The following CSMD1 variants were observed in gnomAD, a reference collection of about 807,000 sequenced individuals.
CSMD1 encodes the protein CUB and Sushi multiple domains 1.
CSMD1 carries 213 observed loss-of-function variants against 417.5 expected under a neutral mutation model. The observed-to-expected ratio is 0.51, with a 90% CI of 0.46 to 0.57. The LOEUF (loss-of-function observed/expected upper bound fraction) is 0.57, where lower values mean the gene tolerates loss of function less well. CSMD1 is among the 20% of genes least tolerant of loss of function. CSMD1 has a pLI of 0.00. For missense variants in CSMD1, 6,923 were observed against 4,529.7 expected, an observed-to-expected ratio of 1.53 and a Z score of -15.17; for synonymous variants, 2,862 against 1,736.8, an observed-to-expected ratio of 1.65 and a Z score of -16.11.
Position 3,307,673 on chromosome 8 carries a change from GAAACCAAAATA to G in CSMD1, c.3950+11_3950+21del. 3.7e-6 allele frequency: 6 copies of G among 1,609,642 alleles called. No homozygotes were observed. Among genetic ancestry groups the G allele is most frequent in the South Asian group, 1.1e-5 (1 of 90,468 alleles). ...GGCATATCTCTTTTCTCAAATCACT[GAAACCAAAATA>G]AAACAAGTACCTAATGGTCTTTCCT... On this transcript the variant is annotated intron_variant, in intron 25 of 69. Coordinates refer to ENST00000635120, the MANE Select transcript of CSMD1 (RefSeq NM_033225.6).
intron 10 of CSMD1, among the ~76,000 whole-genome samples, chr8:3,519,943 A>G (rs184102648): frequency 1.9e-3 from 293 of 151,694 alleles, no homozygotes; most frequent in African/African-American, 6.8e-3. Flanking sequence ...ACGCTAATAT[A>G]ATTTCGCTGA....
intron 23 of CSMD1, among the ~76,000 whole-genome samples, chr8:3,316,078 G>C (rs1298261830): frequency 6.6e-6 from 1 of 152,112 alleles, no homozygotes; most frequent in Non-Finnish European, 1.5e-5. Context: ...AACTCAGAGT[G>C]GGGGAACTTG....
intron 47 of CSMD1, among the ~76,000 whole-genome samples, chr8:3,095,402 G>A (rs778852360): frequency 9.2e-5 from 14 of 152,100 alleles, no homozygotes; most frequent in East Asian, 3.9e-4. Context: ...CTACTCTACA[G>A]ACTAAAGAAA....
intron 37 of CSMD1, among the ~76,000 whole-genome samples, chr8:3,174,379 C>T (rs1321157103): frequency 6.6e-6 from 1 of 152,134 alleles, no homozygotes; most frequent in Non-Finnish European, 1.5e-5. Flanking sequence ...CCTTCAGTCC[C>T]AGCTACTCCA....
intron 5 of CSMD1, among the ~76,000 whole-genome samples, chr8:3,875,864 G>C (rs888383917): frequency 9.9e-5 from 15 of 152,200 alleles, no homozygotes; most frequent in African/African-American, 3.1e-4. Context: ...GGAAACACTA[G>C]AGTGTGTTCC....
At chr8:4,925,489 A>C (rs761893064) in intron 1 of CSMD1, among the ~76,000 whole-genome samples, 2 of 151,906 alleles carry the variant, frequency 1.3e-5, no homozygotes, top group African/African-American at 4.8e-5. Context: ...AGTAATTTCT[A>C]GTCTTGTGTT....
At chr8:3,505,340 A>G (rs1796779883) in intron 10 of CSMD1, among the ~76,000 whole-genome samples, 1 of 152,206 alleles carries the variant, frequency 6.6e-6, no homozygotes, top group South Asian at 2.1e-4. Context: ...CAAAAGATGA[A>G]AAGAAGATGA....
At chr8:4,487,571 G>C (rs568030370) in intron 2 of CSMD1, among the ~76,000 whole-genome samples, 11 of 152,150 alleles carry the variant, frequency 7.2e-5, no homozygotes, top group African/African-American at 2.2e-4. Context: ...ATCATTGTTG[G>C]ACATTTGGGT....
Position 2,937,299 on chromosome 8 carries a change from G to C in CSMD1, c.*1286C>G, listed in dbSNP as rs760166953. ...TGTATAAAATATATCATTGTGAGAG[G>C]AGAGTGTGTGTACTTTTTCCTTCCC... On this transcript the variant is annotated 3_prime_UTR_variant, in exon 70 of 70. Coordinates refer to ENST00000635120, the MANE Select transcript of CSMD1 (RefSeq NM_033225.6). 6.6e-6 allele frequency: 1 copy of C among 152,056 alleles called. No homozygotes were observed. The highest frequency in any genetic ancestry group is 1.5e-5 in the Non-Finnish European group (1 of 68,008). The allele number at this position is 152,056 out of a possible 1,614,324, so 9.4% of individuals were successfully genotyped here. A position where few individuals can be genotyped will look rare whatever the true frequency, so the allele number is the denominator to read the frequency against.
chr8:4,072,853 A>T (rs747400047), intron 3 of CSMD1, among the ~76,000 whole-genome samples: 1 of 152,220 alleles, frequency 6.6e-6, no homozygotes, highest in Non-Finnish European at 1.5e-5. Context: ...ACAACAATTT[A>T]GAAGCTTGAA....
At chr8:4,376,681 G>A (rs927835192) in intron 3 of CSMD1, among the ~76,000 whole-genome samples, 2 of 152,104 alleles carry the variant, frequency 1.3e-5, no homozygotes, top group Non-Finnish European at 2.9e-5. Context: ...CGTTGTTAAC[G>A]CTGAATATTA....
chr8:3,748,880 T>G (rs73187297), intron 6 of CSMD1, among the ~76,000 whole-genome samples: 4,842 of 152,352 alleles, frequency 0.032, 91 homozygotes, highest in Non-Finnish European at 0.04. Context: ...ATCGCCACTG[T>G]CAGGGTTTCC....
At chr8:3,747,725 A>C (rs370323111) in intron 6 of CSMD1, among the ~76,000 whole-genome samples, 3 of 152,068 alleles carry the variant, frequency 2.0e-5, no homozygotes, top group Non-Finnish European at 4.4e-5. Flanking sequence ...CCTTATGTTC[A>C]GCTTGATGGT....
chr8:3,487,147 G>C (rs984242427), intron 11 of CSMD1, among the ~76,000 whole-genome samples: 13 of 152,142 alleles, frequency 8.5e-5, no homozygotes, highest in African/African-American at 3.1e-4. Context: ...GGTTATTCCA[G>C]TAACTGGGCC....
At chr8:3,571,291 T>C (rs1352002152) in intron 10 of CSMD1, among the ~76,000 whole-genome samples, 1 of 152,224 alleles carries the variant, frequency 6.6e-6, no homozygotes, top group Non-Finnish European at 1.5e-5. Context: ...GCCCATTCCA[T>C]GGACTTGGAT....
At chr8:3,782,202 C>T (rs924517582) in intron 5 of CSMD1, among the ~76,000 whole-genome samples, 1 of 152,116 alleles carries the variant, frequency 6.6e-6, no homozygotes, top group African/African-American at 2.4e-5. Flanking sequence ...AGCAAATTCA[C>T]GGTGCGGCAT....
intron 3 of CSMD1, among the ~76,000 whole-genome samples, chr8:4,324,857 C>T (rs889448650): frequency 2.6e-5 from 4 of 152,192 alleles, no homozygotes; most frequent in Admixed American, 6.5e-5. Flanking sequence ...GGACTCCCAT[C>T]CCAGCACACC....
intron 2 of CSMD1, among the ~76,000 whole-genome samples, chr8:4,576,785 G>C (rs1300072037): frequency 1.3e-5 from 2 of 151,790 alleles, no homozygotes; most frequent in Admixed American, 6.6e-5. Flanking sequence ...GTGATATTAA[G>C]ATATTTACCA....
intron 3 of CSMD1, among the ~76,000 whole-genome samples, chr8:4,414,608 A>C (rs1423608928): frequency 1.3e-5 from 2 of 151,912 alleles, no homozygotes; most frequent in Non-Finnish European, 1.5e-5. Flanking sequence ...ATTTTTTTTA[A>C]ACTTCTGCAT....
Sources: allele counts gnomAD v4.1 joint callset (sites outside exome capture counted in the v4.1 genomes callset), GRCh38; gene constraint gnomAD v4.1.1; transcripts MANE v1.5; gene names NCBI Gene and HGNC (gene_info 2026-07-23, HGNC 2026-07-21).